Variants in ALPK1 observed in about 807,000 individuals in gnomAD.
The protein encoded by ALPK1 is alpha kinase 1.
A neutral mutation model predicts 120.6 loss-of-function variants in ALPK1; 110 were observed. The observed-to-expected ratio is 0.91, with a 90% CI of 0.78 to 1.07. The LOEUF (loss-of-function observed/expected upper bound fraction) is 1.07, where lower values mean the gene tolerates loss of function less well. Among genes scored for constraint, ALPK1 ranks in the 50% least tolerant of loss-of-function variants. ALPK1 has a pLI of 0.00. For missense variants in ALPK1, 1,498 were observed against 1,483.9 expected (o/e 1.01, Z -0.16); for synonymous variants, 582 against 560.3 (o/e 1.04, Z -0.55).
At position 112,430,615 on chromosome 4, in the gene ALPK1, AG is replaced by A; in HGVS notation, c.1069del (p.Ala357LeufsTer55). 1 of 1,614,148 alleles carries A rather than the reference AG, an allele frequency of 6.2e-7. No individual in the cohort carries two copies. The highest frequency in any genetic ancestry group is 1.1e-5 in the South Asian group (1 of 91,070). ...GKQELHSFVK[A>X]AFGLTTVHRR... ...AACAGGAGCTTCACAGCTTTGTCAA[AG>A]CTGCTTTCGGTCTCACCACAGTGCA... On this transcript the variant is annotated frameshift_variant, in exon 11 of 16. Transcript: ENST00000650871. LOFTEE classifies it high-confidence loss of function.
At chr4:112,363,252 T>G (rs1334004936) in intron 2 of ALPK1, among the ~76,000 whole-genome samples, 2 of 152,184 alleles carry the variant, frequency 1.3e-5, no homozygotes, top group Non-Finnish European at 2.9e-5. Context: ...ATACTAATGT[T>G]GGATGTAAAC....
At chr4:112,400,973 A>G (rs916540672) in intron 4 of ALPK1, among the ~76,000 whole-genome samples, 3 of 152,000 alleles carry the variant, frequency 2.0e-5, no homozygotes, top group Non-Finnish European at 4.4e-5. Context: ...AGAGCCTGGA[A>G]GATCAGCCTC....
intron 2 of ALPK1, among the ~76,000 whole-genome samples, chr4:112,329,658 C>T (rs534313851): frequency 6.6e-5 from 10 of 152,208 alleles, no homozygotes; most frequent in African/African-American, 2.4e-4. Context: ...AGAAGGCAGA[C>T]TTTAGGGGAT....
At chr4:112,326,367 A>G (rs1466387693) in intron 2 of ALPK1, among the ~76,000 whole-genome samples, 3 of 152,170 alleles carry the variant, frequency 2.0e-5, no homozygotes, top group Admixed American at 6.5e-5. Flanking sequence ...ATGCAAAGCC[A>G]TCATAAATAG....
chr4:112,417,322 A>T (rs754747464), intron 5 of ALPK1, among the ~76,000 whole-genome samples: 1 of 152,362 alleles, frequency 6.6e-6, no homozygotes, highest in East Asian at 1.9e-4. Context: ...ATTTAGCCAT[A>T]TAAGATTAAA....
chr4:112,335,564 G>A (rs758587588), intron 2 of ALPK1, among the ~76,000 whole-genome samples: 19 of 152,140 alleles, frequency 1.2e-4, no homozygotes, highest in Non-Finnish European at 2.2e-4. Context: ...GCAGGACAGG[G>A]ACTAATATCT....
rs148481671 is a variant in ALPK1, at chr4:112,391,724, C to T, written c.276+9172C>T. ...CAGAAGCTAAAAGAAAGGCAGGGAA[C>T]AGATGCTCCTGTTAGAGCATGGCCC... is the stretch of plus-strand genomic sequence containing the variant. On this transcript the variant is annotated intron_variant, in intron 4 of 15. Coordinates refer to ENST00000650871, the MANE Select transcript of ALPK1 (RefSeq NM_025144.4). Among the ~76,000 whole-genome samples the T allele has an allele frequency of 8.5e-5, 13 of 152,302 alleles. No individual in the cohort carries two copies. In the East Asian group the frequency reaches 2.1e-3, roughly 25 times the overall value.
At chr4:112,349,033 A>C (rs1730214526) in intron 2 of ALPK1, among the ~76,000 whole-genome samples, 1 of 151,766 alleles carries the variant, frequency 6.6e-6, no homozygotes, top group African/African-American at 2.4e-5. Flanking sequence ...TGATTAAACC[A>C]AGTTGGCTGG....
At chr4:112,339,697 A>C (rs1729775362) in intron 2 of ALPK1, among the ~76,000 whole-genome samples, 1 of 152,220 alleles carries the variant, frequency 6.6e-6, no homozygotes, top group Admixed American at 6.5e-5. Context: ...ATCTATTGGC[A>C]GCTCAGTTGG....
chr4:112,321,382 G>T (rs1198337554), intron 2 of ALPK1, among the ~76,000 whole-genome samples: 1 of 151,944 alleles, frequency 6.6e-6, no homozygotes, highest in Non-Finnish European at 1.5e-5. Flanking sequence ...CTTTTCTTCT[G>T]CTGGGTTTGG....
At chr4:112,325,206 T>A (rs566602828) in intron 2 of ALPK1, among the ~76,000 whole-genome samples, 1 of 152,352 alleles carries the variant, frequency 6.6e-6, no homozygotes, top group South Asian at 2.1e-4. Flanking sequence ...TCTCCCTAAA[T>A]CAGCACTGCA....
At chr4:112,414,244 G>A (rs186585441) in intron 5 of ALPK1, 75 of 486,420 alleles carry the variant, frequency 1.5e-4, no homozygotes, top group Admixed American at 1.5e-3. Context: ...CTGATCCAGC[G>A]CTTCCTGGTA....
chr4:112,349,553 C>CA (rs1553939355), intron 2 of ALPK1, among the ~76,000 whole-genome samples: 1 of 139,462 alleles, frequency 7.2e-6, no homozygotes, highest in East Asian at 2.2e-4. Flanking sequence ...CAACCCCTGC[C>CA]CCCCCCCGCT....
At chr4:112,403,708 C>T (rs1243634823) in intron 4 of ALPK1, among the ~76,000 whole-genome samples, 1 of 152,170 alleles carries the variant, frequency 6.6e-6, no homozygotes, top group African/African-American at 2.4e-5. Flanking sequence ...CAATAGCTGA[C>T]AGAAAAATGT....
In ALPK1 at chr4:112,432,470, T is replaced by G; in HGVS notation, c.2923T>G (p.Leu975Val). ...GAAAGAGATCCTTGAGGCTCGCACC[T>G]TGCAACCTGATGACTTTGAAAAGCT... is the stretch of plus-strand genomic sequence containing the variant. ...MRKEILEART[L>V]QPDDFEKLLA... The change falls in exon 11 of 16, where the codon TTG becomes GTG. Residue 975 changes from leucine to valine, a missense_variant. By Grantham distance (32) the Leu-to-Val change is conservative. Transcript: ENST00000650871. 6.2e-7 allele frequency: 1 copy of G among 1,614,204 alleles called. No individual in the cohort carries two copies. The highest frequency in any genetic ancestry group is 8.5e-7 in the Non-Finnish European group (1 of 1,180,040).
At chr4:112,328,144 G>A (rs1247878988) in intron 2 of ALPK1, among the ~76,000 whole-genome samples, 1 of 152,220 alleles carries the variant, frequency 6.6e-6, no homozygotes, top group African/African-American at 2.4e-5. Context: ...TAGTAAAGTC[G>A]ATACATTAAT....
intron 2 of ALPK1, among the ~76,000 whole-genome samples, chr4:112,344,291 C>T (rs919933384): frequency 6.6e-6 from 1 of 152,190 alleles, no homozygotes; most frequent in Non-Finnish European, 1.5e-5. Flanking sequence ...AGAGCACGTT[C>T]CAGCCTGAAC....
At chr4:112,341,495 A>T (rs1183744709) in intron 2 of ALPK1, among the ~76,000 whole-genome samples, 1 of 152,200 alleles carries the variant, frequency 6.6e-6, no homozygotes, top group Non-Finnish European at 1.5e-5. Context: ...TAGTATATAG[A>T]TTAGGGTTTT....
intron 5 of ALPK1, among the ~76,000 whole-genome samples, chr4:112,422,098 A>G (rs1734022790): frequency 6.6e-6 from 1 of 152,212 alleles, no homozygotes; most frequent in South Asian, 2.1e-4. Flanking sequence ...TGATCATCGT[A>G]GATAGCATGG....
Sources: gnomAD v4.1 joint callset for allele counts (sites outside exome capture counted in the v4.1 genomes callset) on GRCh38, gnomAD v4.1.1 for gene constraint, MANE v1.5 for transcripts, NCBI Gene and HGNC (gene_info 2026-07-23, HGNC 2026-07-21) for gene names.